NBAS: variants seen among roughly 807,000 people sequenced by gnomAD.
The protein encoded by NBAS is NBAS subunit of NRZ tethering complex, also known as NAG/BC035112 fusion.
A neutral mutation model predicts 302.5 loss-of-function variants in NBAS; 219 were observed. That is an observed-to-expected ratio of 0.72 (90% CI 0.65 to 0.81). The LOEUF (loss-of-function observed/expected upper bound fraction) is 0.81. NBAS is among the 30% of genes least tolerant of loss of function. The pLI, the probability that NBAS is intolerant of heterozygous loss-of-function variation, is 0.00. For missense variants in NBAS, 2,932 were observed against 2,841.6 expected (o/e 1.03, Z -0.72); for synonymous variants, 1,118 against 1,021.6 (o/e 1.09, Z -1.80).
At chr2:15,232,386 C>T in intron 47 of NBAS, 36 bp downstream of exon 47, 1 of 1,582,708 alleles carries the variant, frequency 6.3e-7, no homozygotes, top group Non-Finnish European at 8.7e-7. Flanking sequence ...TGAGGAAAGC[C>T]AGTTAATGAA....
At chr2:15,389,318 G>A (rs1675473881) in intron 28 of NBAS, among the ~76,000 whole-genome samples, 1 of 152,246 alleles carries the variant, frequency 6.6e-6, no homozygotes, top group South Asian at 2.1e-4. Flanking sequence ...CTGATGTGAG[G>A]CTAGAATTAC....
At chr2:15,014,119 T>A in the NBAS span, among the ~76,000 whole-genome samples, 1 of 152,144 alleles carries the variant, frequency 6.6e-6, no homozygotes, top group East Asian at 1.9e-4. Context: ...TAAATATATA[T>A]CCACCCAACA....
At chr2:15,076,290 CACA>C in the NBAS span, among the ~76,000 whole-genome samples, 1 of 152,120 alleles carries the variant, frequency 6.6e-6, no homozygotes, top group Non-Finnish European at 1.5e-5. Context: ...CTAACATATC[CACA>C]ACAACAAAAA....
At chr2:15,441,456 TGA>T (rs1453765240) in intron 21 of NBAS, among the ~76,000 whole-genome samples, 1 of 151,738 alleles carries the variant, frequency 6.6e-6, no homozygotes. Context: ...AAGCAAATGC[TGA>T]GAGATTTTGT....
In NBAS at chr2:15,461,787, A is replaced by T. The variant is rs1420819121; in HGVS notation, c.2102T>A (p.Ile701Asn). The change falls in exon 20 of 52, where the codon ATC (isoleucine) becomes AAC (asparagine). Residue 701 changes from isoleucine (I) to asparagine (N), a missense_variant. By Grantham distance (149) the Ile-to-Asn change is moderately radical. Coordinates refer to ENST00000281513, the MANE Select transcript of NBAS (RefSeq NM_015909.4). The stretch of plus-strand genomic sequence containing the variant: ...TTCAGATGCATGAGGCACTCCTAGG[A>T]TTTCCTGAGGGGAAATTTAATGAAA... The part of the protein sequence containing the change: ...YLDRLATYEE[I>N]LGVPHASEQR... The T allele has an allele frequency of 2.5e-6, 4 of 1,569,306 alleles. No individual in the cohort carries two copies. In the South Asian group the frequency reaches 4.5e-5, roughly 18 times the overall value.
At chr2:15,555,478 A>C (rs2148715458) in intron 3 of NBAS, among the ~76,000 whole-genome samples, 1 of 152,206 alleles carries the variant, frequency 6.6e-6, no homozygotes. Flanking sequence ...AAACAAAAAG[A>C]GCTAGCTGAT....
intron 51 of NBAS, 105 bp from the exon 52 acceptor site, chr2:15,167,428 C>T (rs1230489222): frequency 6.9e-7 from 1 of 1,439,206 alleles, no homozygotes; most frequent in Non-Finnish European, 9.6e-7. Context: ...CATTCATGCC[C>T]TGGCCTGGGT....
chr2:14,962,572 T>C, the NBAS span, among the ~76,000 whole-genome samples: 1 of 152,156 alleles, frequency 6.6e-6, no homozygotes, highest in African/African-American at 2.4e-5. Context: ...TTCACAGTTG[T>C]TGTTATCACA....
chr2:14,792,870 T>C, the NBAS span, among the ~76,000 whole-genome samples: 1 of 152,196 alleles, frequency 6.6e-6, no homozygotes, highest in African/African-American at 2.4e-5. Context: ...TTTAAAGTAG[T>C]GCTATGGACT....
the NBAS span, among the ~76,000 whole-genome samples, chr2:15,119,693 C>T: frequency 6.6e-6 from 1 of 152,230 alleles, no homozygotes; most frequent in East Asian, 1.9e-4. Flanking sequence ...AATATAAGTG[C>T]ATCTGGCTGT....
the NBAS span, among the ~76,000 whole-genome samples, chr2:14,835,135 A>T: frequency 6.6e-6 from 1 of 152,020 alleles, no homozygotes; most frequent in African/African-American, 2.4e-5. Context: ...GCACTCACCT[A>T]TTTGCGAAAT....
the NBAS span, among the ~76,000 whole-genome samples, chr2:14,892,113 C>T: frequency 2.6e-4 from 40 of 152,286 alleles, no homozygotes; most frequent in African/African-American, 9.4e-4. Context: ...ACCCTGGAGA[C>T]ACCCAATCTA....
the NBAS span, among the ~76,000 whole-genome samples, chr2:15,061,478 C>CTGCATAAATGCATG: frequency 6.6e-6 from 1 of 152,208 alleles, no homozygotes; most frequent in Admixed American, 6.5e-5. Context: ...TAGCTGTTAT[C>CTGCATAAATGCATG]TGCATAAATG....
the NBAS span, among the ~76,000 whole-genome samples, chr2:14,860,693 T>C: frequency 0.02 from 3,028 of 152,198 alleles, 46 homozygotes; most frequent in Middle Eastern, 0.041. Flanking sequence ...TAGGGAGTGT[T>C]ATATGGGAAG....
chr2:15,119,303 CTTTTTT>C, the NBAS span, among the ~76,000 whole-genome samples: 3,558 of 107,796 alleles, frequency 0.033, 71 homozygotes, highest in East Asian at 0.067. Context: ...GAAATCCTTT[CTTTTTT>C]TTTTTTTTTT....
the NBAS span, among the ~76,000 whole-genome samples, chr2:14,806,474 T>G: frequency 6.6e-6 from 1 of 152,316 alleles, no homozygotes. Context: ...TGTGATAAGC[T>G]TAGTTCATTA....
At chr2:15,553,307 A>T in intron 5 of NBAS, 119 bp downstream of exon 5, 2 of 926,266 alleles carry the variant, frequency 2.2e-6, no homozygotes, top group Non-Finnish European at 3.4e-6. Context: ...TCACAAAATT[A>T]AGTGAGTTAA....
chr2:14,896,688 T>C, the NBAS span, among the ~76,000 whole-genome samples: 3 of 152,158 alleles, frequency 2.0e-5, no homozygotes, highest in Non-Finnish European at 4.4e-5. Flanking sequence ...TTCTGGACTT[T>C]GAGGGCCTCG....
At chr2:14,829,152 C>T in the NBAS span, among the ~76,000 whole-genome samples, 1 of 151,654 alleles carries the variant, frequency 6.6e-6, no homozygotes, top group Non-Finnish European at 1.5e-5. Context: ...GGATCAGAAC[C>T]CAGGTTAATG....
Sources: gnomAD v4.1 joint callset for allele counts (sites outside exome capture counted in the v4.1 genomes callset) on GRCh38, gnomAD v4.1.1 for gene constraint, MANE v1.5 for transcripts, NCBI Gene and HGNC (gene_info 2026-07-23, HGNC 2026-07-21) for gene names.